The following ZNF266 variants were observed in gnomAD, a reference collection of about 807,000 sequenced individuals.
The protein encoded by ZNF266 is zinc finger protein 1.
Under a neutral mutation model 16.4 loss-of-function variants are expected in ZNF266, and 16 were observed. That is an observed-to-expected ratio of 0.98 (90% CI 0.66 to 1.48). The LOEUF is 1.48. Ranked by LOEUF, ZNF266 falls within the 40% of genes most tolerant of loss-of-function variation. The probability of loss-of-function intolerance (pLI) is 0.00; values close to 1 mark genes in which losing one functional copy is unlikely to be tolerated. For missense variants in ZNF266, 738 were observed against 689.1 expected, an observed-to-expected ratio of 1.07 and a Z score of -0.79; for synonymous variants, 262 against 237.9, an observed-to-expected ratio of 1.10 and a Z score of -0.93.
chr19:9,422,875 G>A (rs1035833574), intron 5 of ZNF266, among the ~76,000 whole-genome samples: 2 of 152,316 alleles, frequency 1.3e-5, no homozygotes, highest in East Asian at 3.9e-4. Flanking sequence ...AAAAGTTGCC[G>A]ATGGCTTGGC....
intron 5 of ZNF266, 68 bp downstream of exon 5, chr19:9,433,600 G>A (rs10420709): frequency 0.56 from 85,575 of 151,910 alleles, 24,320 homozygotes; most frequent in Middle Eastern, 0.63. Flanking sequence ...TCTTATTCAT[G>A]TAATTAAAAC....
chr19:9,427,309 G>A (rs1389444171), intron 5 of ZNF266, among the ~76,000 whole-genome samples: 3 of 151,782 alleles, frequency 2.0e-5, no homozygotes, highest in African/African-American at 7.3e-5. Context: ...TTATAAATTT[G>A]ACCAACATGT....
intron 8 of ZNF266, 31 bp downstream of exon 8, chr19:9,418,474 A>G: frequency 6.2e-7 from 1 of 1,611,698 alleles, no homozygotes. Flanking sequence ...TCTGTTCCAT[A>G]GTAGGCTACA....
intron 5 of ZNF266, among the ~76,000 whole-genome samples, chr19:9,424,220 CAAAAAAAAAAAAA>C (rs55740067): frequency 0.026 from 3,218 of 121,678 alleles, 131 homozygotes; most frequent in African/African-American, 0.088. Context: ...AACCAAGAGG[CAAAAAAAAAAAAA>C]AAAAAAAAGA....
In ZNF266 at chr19:9,413,372, T is replaced by C. The variant is rs991788195; in HGVS notation, c.1754A>G (p.Lys585Arg). Residue 585 changes from lysine to arginine, a missense_variant, in exon 11 of 11, where the codon AAA (lysine) becomes AGA (arginine). Transcript: ENST00000592904. ...QLHERTHTGEKPYECKECGKA... is the reference protein window; with the variant it reads ...QLHERTHTGERPYECKECGKA... The stretch of plus-strand genomic sequence containing the variant: ...CCCGCACTCCTTACATTCATAGGGT[T>C]TCTCTCCAGTGTGAGTTCGTTCATG... 1 of 1,614,208 alleles carries C rather than the reference T, an allele frequency of 6.2e-7. No individual in the cohort carries two copies. The highest frequency in any genetic ancestry group is 8.5e-7 in the Non-Finnish European group (1 of 1,180,026).
In ZNF266 at chr19:9,435,563, G is replaced by GA. The variant is rs924569675; in HGVS notation, c.-838dup. 6.6e-5 allele frequency: 10 copies of GA among 152,278 alleles called. No homozygotes were observed. The highest frequency in any genetic ancestry group is 2.4e-4 in the African/African-American group (10 of 41,454). The allele number at this position is 152,278 out of a possible 1,614,324, so 9.4% of individuals were successfully genotyped here. A position where few individuals can be genotyped will look rare whatever the true frequency, so the allele number is the denominator to read the frequency against. The stretch of plus-strand genomic sequence containing the variant: ...GTTTGGCGGCGCGGAGAAAGCGCCG[G>GA]AAAACACAGCAGCGCTCCGTGACGT... On this transcript the variant is annotated 5_prime_UTR_variant, in exon 1 of 11. Transcript: ENST00000592904.
intron 10 of ZNF266, 34 bp from the exon 11 acceptor site, chr19:9,414,754 C>A: frequency 6.6e-7 from 1 of 1,516,038 alleles, no homozygotes; most frequent in Non-Finnish European, 8.8e-7. Context: ...GATTAAAGGA[C>A]GGTTCAGATT....
intron 9 of ZNF266, among the ~76,000 whole-genome samples, chr19:9,416,663 CTTTTTTTT>C (rs368700653): frequency 3.5e-5 from 2 of 56,946 alleles, no homozygotes; most frequent in African/African-American, 1.5e-4. Context: ...CGTGCCAGGC[CTTTTTTTT>C]TTTTTTTTTT....
chr19:9,418,070 T>C (rs2069330685), intron 8 of ZNF266, among the ~76,000 whole-genome samples, 162 bp from the exon 9 acceptor site: 1 of 152,226 alleles, frequency 6.6e-6, no homozygotes, highest in African/African-American at 2.4e-5. Context: ...ATTGGTGATC[T>C]CTGATCCCTG....
chr19:9,429,372 A>G (rs1599553059), intron 5 of ZNF266, among the ~76,000 whole-genome samples: 1 of 151,940 alleles, frequency 6.6e-6, no homozygotes, highest in East Asian at 1.9e-4. Flanking sequence ...ACTTCCACCA[A>G]AAGACAGAAA....
chr19:9,415,787 G>A (rs1302125169), intron 9 of ZNF266, 45 bp from the exon 10 acceptor site: 2 of 1,500,532 alleles, frequency 1.3e-6, no homozygotes, highest in East Asian at 4.6e-5. Context: ...ATACAGGGTA[G>A]ACAGATGGAG....
At chr19:9,422,311 T>C (rs2070048657) in intron 5 of ZNF266, among the ~76,000 whole-genome samples, 1 of 152,220 alleles carries the variant, frequency 6.6e-6, no homozygotes, top group Non-Finnish European at 1.5e-5. Flanking sequence ...TGACCTGGCA[T>C]GGAGCCTAAA....
rs201877972 is a variant in ZNF266 at position 9,413,649 on chromosome 19, G to T, written c.1477C>A (p.His493Asn). Residue 493 changes from histidine to asparagine, a missense_variant, in exon 11 of 11, where the codon CAT becomes AAT. His to Asn is a moderately conservative substitution (Grantham distance 68). Coordinates refer to ENST00000592904, the MANE Select transcript of ZNF266 (RefSeq NM_001370374.1). ...AFAISSNLSG[H>N]LRIHTGEKPF... ...TTCTCTCCAGTGTGAATTCTCAAAT[G>T]TCCACTAAGATTTGAAGAAATAGCA... 16 of 1,614,058 alleles carry T rather than the reference G, an allele frequency of 9.9e-6. No individual in the cohort carries two copies. The South Asian group carries it at 1.2e-4, about 12-fold the overall frequency.
chr19:9,431,952 GGTTTT>G (rs1353468838), intron 5 of ZNF266, among the ~76,000 whole-genome samples: 5 of 152,018 alleles, frequency 3.3e-5, no homozygotes, highest in African/African-American at 7.2e-5. Flanking sequence ...AAGTCAGTTG[GGTTTT>G]GTTTTGTTTT....
At chr19:9,421,717 C>T (rs1002635934) in intron 5 of ZNF266, among the ~76,000 whole-genome samples, 2 of 152,196 alleles carry the variant, frequency 1.3e-5, no homozygotes, top group African/African-American at 4.8e-5. Flanking sequence ...TCTAAAATCT[C>T]CCACTGCAAC....
chr19:9,429,578 C>A (rs1170207956), intron 5 of ZNF266, among the ~76,000 whole-genome samples: 2 of 152,066 alleles, frequency 1.3e-5, no homozygotes, highest in African/African-American at 4.8e-5. Flanking sequence ...AGCAACACAG[C>A]CCTGACCCAA....
At chr19:9,419,677 A>C (rs1271550145) in intron 6 of ZNF266, 1 of 152,198 alleles carries the variant, frequency 6.6e-6, no homozygotes, top group Admixed American at 6.6e-5. Context: ...AGGCAGGCAG[A>C]TCACTTGAGG....
Position 9,413,240 on chromosome 19 carries a change from G to A in ZNF266, c.*35C>T. ...CCCAGTGAGTTTTCATGTCTTCAGAGAGAACAGGGACACCTTTAGGTTTTC... is the reference window on the plus strand; with the variant it reads ...CCCAGTGAGTTTTCATGTCTTCAGAAAGAACAGGGACACCTTTAGGTTTTC... On this transcript the variant is annotated 3_prime_UTR_variant, in exon 11 of 11. Coordinates refer to ENST00000592904, the MANE Select transcript of ZNF266 (RefSeq NM_001370374.1). 5.2e-6 allele frequency: 8 copies of A among 1,527,904 alleles called. No homozygotes were observed. The highest frequency in any genetic ancestry group is 7.0e-6 in the Non-Finnish European group (8 of 1,141,076). 94.6% of individuals were successfully genotyped at this position (1,527,904 alleles called of 1,614,324 possible). A position where few individuals can be genotyped will look rare whatever the true frequency, so the allele number is the denominator to read the frequency against.
chr19:9,418,547 T>C lies in ZNF266; in HGVS notation c.193A>G (p.Arg65Gly). ...LLDPTQRNLY[R>G]DVMLENYKNL... ...TTGTAGTTCTCCAGCATCACATCTC[T>C]GTAGAGGTTTCTCTGAGTTGGGTCC... is the stretch of plus-strand genomic sequence containing the variant. The change falls in exon 8 of 11, where the codon AGA becomes GGA. Residue 65 changes from arginine (R) to glycine (G), a missense_variant. Transcript: ENST00000592904. 6.2e-7 allele frequency: 1 copy of C among 1,613,992 alleles called. No homozygotes were observed. Among genetic ancestry groups the C allele is most frequent in the Non-Finnish European group, 8.5e-7 (1 of 1,179,830 alleles).
Sources: gnomAD v4.1 joint callset for allele counts (sites outside exome capture counted in the v4.1 genomes callset) on GRCh38, gnomAD v4.1.1 for gene constraint, MANE v1.5 for transcripts, NCBI Gene and HGNC (gene_info 2026-07-23, HGNC 2026-07-21) for gene names.